TMEM132D: variants seen among roughly 807,000 people sequenced by gnomAD.
TMEM132D encodes transmembrane protein 132D.
In TMEM132D, 21 loss-of-function variants were observed where a neutral mutation model predicts 62.3. The ratio of observed to expected loss-of-function variants is 0.34; its 90% CI spans 0.24 to 0.49. The LOEUF (loss-of-function observed/expected upper bound fraction) is 0.49. Among genes scored for constraint, TMEM132D ranks in the 20% least tolerant of loss-of-function variants. The pLI is 0.99. For synonymous variants in TMEM132D, 621 were observed against 575.6 expected (o/e 1.08, Z -1.13); for missense variants, 1,346 against 1,402.8 (o/e 0.96, Z 0.65).
intron 2 of TMEM132D, among the ~76,000 whole-genome samples, chr12:129,593,970 T>A (rs1291986456): frequency 6.6e-6 from 1 of 152,232 alleles, no homozygotes; most frequent in Non-Finnish European, 1.5e-5. Flanking sequence ...AACCCCCTGT[T>A]ATGTATCATT....
intron 2 of TMEM132D, among the ~76,000 whole-genome samples, chr12:129,632,270 A>G (rs1158532323): frequency 6.6e-6 from 1 of 152,196 alleles, no homozygotes; most frequent in Non-Finnish European, 1.5e-5. Flanking sequence ...GTGGCTGAGG[A>G]CGGAAGGAGA....
At chr12:129,710,684 T>A (rs1593130011) in intron 1 of TMEM132D, among the ~76,000 whole-genome samples, 1 of 152,316 alleles carries the variant, frequency 6.6e-6, no homozygotes, top group African/African-American at 2.4e-5. Context: ...CATTTCGGAG[T>A]GTCTTTCTTA....
chr12:129,375,219 T>C (rs564689111), intron 3 of TMEM132D, among the ~76,000 whole-genome samples: 9 of 152,374 alleles, frequency 5.9e-5, no homozygotes, highest in African/African-American at 2.2e-4. Context: ...TATGTTATGC[T>C]CAGCCTTATA....
chr12:129,701,020 C>G (rs760018140), intron 1 of TMEM132D, among the ~76,000 whole-genome samples: 1 of 152,058 alleles, frequency 6.6e-6, no homozygotes, highest in Non-Finnish European at 1.5e-5. Flanking sequence ...AAGACTTGCT[C>G]TTTTTTTGAT....
Position 129,078,614 on chromosome 12 carries a change from A to C in TMEM132D, c.2035T>G (p.Ser679Ala), listed in dbSNP as rs1251239380. 2 of 1,614,010 alleles carry C rather than the reference A, an allele frequency of 1.2e-6. No individual in the cohort carries two copies. The highest frequency in any genetic ancestry group is 2.7e-5 in the African/African-American group (2 of 74,916). The change falls in exon 8 of 9, where the codon TCC becomes GCC. Residue 679 changes from serine (S) to alanine (A), a missense_variant. Coordinates refer to ENST00000422113, the MANE Select transcript of TMEM132D (RefSeq NM_133448.3). ...GVQLVTGLSL[S>A]LQLSPGSNRA... ...TTGCTTCCTGGGCTGAGCTGCAAGG[A>C]GAGTGACAGCCCTGTCACCAGCTGC... is the stretch of plus-strand genomic sequence containing the variant.
chr12:129,208,822 A>G (rs1297033589), intron 5 of TMEM132D: 2 of 152,200 alleles, frequency 1.3e-5, no homozygotes, highest in Admixed American at 6.5e-5. Flanking sequence ...GAAGTGTGCT[A>G]TGAGGTTCCT....
At chr12:129,635,481 C>A (rs1172139148) in intron 2 of TMEM132D, among the ~76,000 whole-genome samples, 1 of 152,178 alleles carries the variant, frequency 6.6e-6, no homozygotes, top group Non-Finnish European at 1.5e-5. Flanking sequence ...CCCTCCTTAA[C>A]ATCTCCAAGA....
chr12:129,419,768 C>T (rs945740656), intron 3 of TMEM132D, among the ~76,000 whole-genome samples: 1 of 152,046 alleles, frequency 6.6e-6, no homozygotes, highest in Non-Finnish European at 1.5e-5. Flanking sequence ...CCATTGGAAG[C>T]AGTTGTCTGC....
intron 1 of TMEM132D, among the ~76,000 whole-genome samples, chr12:129,729,098 G>A (rs1869133160): frequency 6.6e-6 from 1 of 152,178 alleles, no homozygotes; most frequent in South Asian, 2.1e-4. Context: ...TTTCCATATT[G>A]CAAAAATCAA....
intron 4 of TMEM132D, among the ~76,000 whole-genome samples, chr12:129,240,558 G>T (rs1388121554): frequency 6.6e-6 from 1 of 152,160 alleles, no homozygotes; most frequent in Non-Finnish European, 1.5e-5. Flanking sequence ...AATGAAGAAG[G>T]TTGTTAGGAC....
At chr12:129,710,648 A>G (rs1271813341) in intron 1 of TMEM132D, among the ~76,000 whole-genome samples, 4 of 152,162 alleles carry the variant, frequency 2.6e-5, no homozygotes, top group African/African-American at 9.7e-5. Flanking sequence ...TATTTATTTT[A>G]TCTATTTTAT....
chr12:129,896,891 G>T (rs1440103354), intron 1 of TMEM132D, among the ~76,000 whole-genome samples: 2 of 152,118 alleles, frequency 1.3e-5, no homozygotes, highest in East Asian at 3.8e-4. Context: ...CTTTATAACT[G>T]TTGACTGATC....
intron 4 of TMEM132D, among the ~76,000 whole-genome samples, chr12:129,279,094 A>C (rs2135607645): frequency 6.6e-6 from 1 of 152,352 alleles, no homozygotes; most frequent in Non-Finnish European, 1.5e-5. Context: ...TTTAGCCACG[A>C]AATTTAATTA....
At chr12:129,790,822 A>G (rs891767689) in intron 1 of TMEM132D, among the ~76,000 whole-genome samples, 4 of 152,174 alleles carry the variant, frequency 2.6e-5, no homozygotes, top group African/African-American at 9.7e-5. Context: ...TTCCCTGCAA[A>G]TAAACATCTT....
chr12:129,555,637 AG>A (rs1276641785), intron 2 of TMEM132D, among the ~76,000 whole-genome samples: 2 of 152,214 alleles, frequency 1.3e-5, no homozygotes, highest in African/African-American at 4.8e-5. Context: ...GGGAAAGATA[AG>A]TGTGACATGC....
chr12:129,816,967 C>T (rs1051925526), intron 1 of TMEM132D, among the ~76,000 whole-genome samples: 1 of 152,182 alleles, frequency 6.6e-6, no homozygotes, highest in African/African-American at 2.4e-5. Flanking sequence ...TTATTATAGT[C>T]ATCTAATTTT....
chr12:129,549,808 C>A (rs1010287659), intron 2 of TMEM132D, among the ~76,000 whole-genome samples: 1 of 152,164 alleles, frequency 6.6e-6, no homozygotes, highest in Non-Finnish European at 1.5e-5. Flanking sequence ...TTTTCCTTTA[C>A]CCCTTGTGAC....
chr12:129,736,998 T>C (rs1183294828), intron 1 of TMEM132D, among the ~76,000 whole-genome samples: 1 of 152,022 alleles, frequency 6.6e-6, no homozygotes, highest in Non-Finnish European at 1.5e-5. Context: ...TTGTATTTTT[T>C]GTAGAGACAA....
chr12:129,137,756 T>G (rs974047227), intron 5 of TMEM132D, among the ~76,000 whole-genome samples: 2 of 152,172 alleles, frequency 1.3e-5, no homozygotes, highest in African/African-American at 2.4e-5. Context: ...CTTGCAACCA[T>G]GAGGCAACAG....
Sources: allele counts gnomAD v4.1 joint callset (sites outside exome capture counted in the v4.1 genomes callset), GRCh38; gene constraint gnomAD v4.1.1; transcripts MANE v1.5; gene names NCBI Gene and HGNC (gene_info 2026-07-23, HGNC 2026-07-21).